UTRN: variants seen among roughly 807,000 people sequenced by gnomAD.
UTRN encodes utrophin, also known as dystrophin-related protein 1.
In UTRN, 283 loss-of-function variants were observed where a neutral mutation model predicts 463.9. That is an observed-to-expected ratio of 0.61 (90% CI 0.55 to 0.67). The LOEUF (loss-of-function observed/expected upper bound fraction) is 0.67. UTRN is among the 30% of genes least tolerant of loss of function. The pLI is 0.00. For missense variants in UTRN, 3,922 were observed against 4,084.3 expected (o/e 0.96, Z 1.08); for synonymous variants, 1,442 against 1,431.5 (o/e 1.01, Z -0.17).
chr6:144,840,708 A>C (rs763828146), intron 72 of UTRN, 32 bp from the exon 73 acceptor site: 1 of 1,610,396 alleles, frequency 6.2e-7, no homozygotes. Context: ...TAATTTGAGA[A>C]GCTTTGTTGT....
At chr6:144,721,070 A>G (rs973789527) in intron 53 of UTRN, among the ~76,000 whole-genome samples, 3 of 152,180 alleles carry the variant, frequency 2.0e-5, no homozygotes, top group African/African-American at 7.2e-5. Flanking sequence ...AGAAAATTTG[A>G]ATGTTTTCTT....
chr6:144,610,183 T>A (rs1585550248), intron 51 of UTRN, among the ~76,000 whole-genome samples: 4 of 135,906 alleles, frequency 2.9e-5, no homozygotes, highest in African/African-American at 2.7e-5. Flanking sequence ...GACCATTAGC[T>A]AGACTAACCA....
intron 54 of UTRN, among the ~76,000 whole-genome samples, chr6:144,732,115 G>A (rs1349705475): frequency 6.6e-6 from 1 of 151,198 alleles, no homozygotes; most frequent in East Asian, 1.9e-4. Flanking sequence ...GCCTGCCTCA[G>A]CCTCCCAAAG....
intron 51 of UTRN, among the ~76,000 whole-genome samples, chr6:144,665,073 C>G (rs919320774): frequency 6.6e-6 from 1 of 152,078 alleles, no homozygotes; most frequent in Non-Finnish European, 1.5e-5. Flanking sequence ...TTGTTCTAAC[C>G]TCATTTCTTC....
At chr6:144,678,293 T>G (rs1257833842) in intron 51 of UTRN, 113 bp from the exon 52 acceptor site, 1 of 1,026,776 alleles carries the variant, frequency 9.7e-7, no homozygotes. Context: ...GCACTTGAAT[T>G]TCTTATAATT....
intron 65 of UTRN, among the ~76,000 whole-genome samples, chr6:144,803,891 T>C (rs62427233): frequency 0.11 from 16,809 of 152,154 alleles, 1,631 homozygotes; most frequent in Admixed American, 0.32. Flanking sequence ...ATGGTCAAAA[T>C]ACTTGATGTC....
At chr6:144,434,338 AGGGGAG>A (rs1225710422) in intron 9 of UTRN, among the ~76,000 whole-genome samples, 5 of 33,480 alleles carry the variant, frequency 1.5e-4, no homozygotes, top group Middle Eastern at 0.014. Flanking sequence ...CCGTGGAAAG[AGGGGAG>A]GGGGAGGGGG....
chr6:144,522,330 A>G (rs1796178745), intron 40 of UTRN, among the ~76,000 whole-genome samples, 159 bp downstream of exon 40: 1 of 152,230 alleles, frequency 6.6e-6, no homozygotes, highest in African/African-American at 2.4e-5. Context: ...ATTGTCAAAG[A>G]AAATATATTA....
In UTRN at chr6:144,423,587, T is replaced by G. The variant is rs1272201117; in HGVS notation, c.273T>G (p.Asn91Lys). 1.2e-6 allele frequency: 2 copies of G among 1,614,136 alleles called. No homozygotes were observed. The highest frequency in any genetic ancestry group is 1.7e-5 in the Admixed American group (1 of 60,008). ...ERGSTRVHAL[N>K]NVNRVLQVLH... ...GTTCCACAAGGGTACATGCCTTAAA[T>G]AACGTCAACAGAGTGCTGCAGGTTT... is the stretch of plus-strand genomic sequence containing the variant. The change falls in exon 5 of 75, where the codon AAT (asparagine) becomes AAG (lysine). Residue 91 changes from asparagine to lysine, a missense_variant. By Grantham distance (94) the Asn-to-Lys change is moderately conservative. Around this residue, in one of 3 missense-constraint regions of UTRN, gnomAD observed 264 missense variants for 327.9 expected, o/e 0.81. Transcript: ENST00000367545.
chr6:144,703,776 G>C (rs1028922833), intron 53 of UTRN, among the ~76,000 whole-genome samples: 1 of 152,104 alleles, frequency 6.6e-6, no homozygotes, highest in African/African-American at 2.4e-5. Flanking sequence ...GATTGGAGTA[G>C]ATTCAAGAGA....
At chr6:144,604,969 C>T (rs1270836668) in intron 51 of UTRN, among the ~76,000 whole-genome samples, 2 of 151,930 alleles carry the variant, frequency 1.3e-5, no homozygotes, top group African/African-American at 4.8e-5. Flanking sequence ...CTAAAGTTTG[C>T]AAATATTTTA....
chr6:144,573,256 T>C (rs556406355), intron 50 of UTRN, among the ~76,000 whole-genome samples: 83 of 152,212 alleles, frequency 5.5e-4, no homozygotes, highest in African/African-American at 1.9e-3. Flanking sequence ...GGAGCTAATT[T>C]TAAAGACATA....
In UTRN at chr6:144,559,660, A is replaced by G. The variant is rs193262987; in HGVS notation, c.7289+2349A>G. 1.2e-3 allele frequency among the ~76,000 whole-genome samples: 182 copies of G among 152,176 alleles called. 1 individual carries two copies. The highest frequency in any genetic ancestry group is 7.4e-4 in the Non-Finnish European group (50 of 67,986). ...AGTTCTTCTGAACCAGTGTTTCTCA[A>G]CCTTTCTTTACATTATCGCTTCCCT... On this transcript the variant is annotated intron_variant, in intron 50 of 74. Coordinates refer to ENST00000367545, the MANE Select transcript of UTRN (RefSeq NM_007124.3).
intron 2 of UTRN, chr6:144,344,003 G>GA: frequency 2.3e-6 from 1 of 438,688 alleles, no homozygotes; most frequent in Non-Finnish European, 3.4e-6. Flanking sequence ...AGTTTTCACT[G>GA]ACTACAAAGT....
intron 51 of UTRN, among the ~76,000 whole-genome samples, chr6:144,646,879 A>G (rs976966376): frequency 1.3e-5 from 2 of 152,166 alleles, no homozygotes; most frequent in East Asian, 3.8e-4. Context: ...AAATGGACCT[A>G]TTTACATGTG....
rs13194197 is a variant in UTRN, at chr6:144,514,643, T to C, written c.5074-7T>C. The C allele has an allele frequency of 1.2e-5, 19 of 1,611,800 alleles. No homozygotes were observed. Among genetic ancestry groups the C allele is most frequent in the African/African-American group, 9.4e-5 (7 of 74,746 alleles). ...CATGAGATAATTTTGTGTTTTCTTA[T>C]AATTAGCGTTTAGTATCTGAGCTGG... On this transcript the variant is annotated splice_region_variant and splice_polypyrimidine_tract_variant and intron_variant, in intron 36 of 74. Transcript: ENST00000367545.
At chr6:144,774,217 C>T in intron 59 of UTRN, 73 bp from the exon 60 acceptor site, 1 of 1,373,758 alleles carries the variant, frequency 7.3e-7, no homozygotes, top group African/African-American at 1.5e-5. Flanking sequence ...CCAAAGTAAC[C>T]AAATACATTC....
At chr6:144,574,256 C>G (rs938363121) in intron 50 of UTRN, among the ~76,000 whole-genome samples, 3 of 152,102 alleles carry the variant, frequency 2.0e-5, no homozygotes, top group Admixed American at 6.6e-5. Flanking sequence ...TGAACTGATT[C>G]TGCAGGTTAA....
chr6:144,390,222 TC>T (rs1781785595), intron 2 of UTRN, among the ~76,000 whole-genome samples: 1 of 152,116 alleles, frequency 6.6e-6, no homozygotes, highest in South Asian at 2.1e-4. Context: ...ATCATGCCCA[TC>T]CACCTCACCA....
Sources: gnomAD v4.1 joint callset for allele counts (sites outside exome capture counted in the v4.1 genomes callset) on GRCh38, gnomAD v4.1.1 for gene constraint, gnomAD v4.1.1 regional missense constraint, MANE v1.5 for transcripts, NCBI Gene and HGNC (gene_info 2026-07-23, HGNC 2026-07-21) for gene names.